KRT72: variants seen among roughly 807,000 people sequenced by gnomAD.
The protein encoded by KRT72 is keratin, type II cytoskeletal 72.
In KRT72, 44 loss-of-function variants were observed where a neutral mutation model predicts 44.7. That is an observed-to-expected ratio of 0.98 (90% CI 0.77 to 1.27). The LOEUF (loss-of-function observed/expected upper bound fraction) is 1.27, where lower values mean the gene tolerates loss of function less well. Ranked by LOEUF, KRT72 falls within the 50% of genes most tolerant of loss-of-function variation. The probability of loss-of-function intolerance (pLI) is 0.00; values close to 1 mark genes in which losing one functional copy is unlikely to be tolerated. For missense variants in KRT72, 736 were observed against 667.1 expected (o/e 1.10, Z -1.14); for synonymous variants, 302 against 280.4 (o/e 1.08, Z -0.77).
intron 5 of KRT72, 42 bp from the exon 6 acceptor site, chr12:52,591,003 C>T (rs750918758): frequency 1.9e-6 from 3 of 1,547,896 alleles, no homozygotes; most frequent in South Asian, 1.2e-5. Context: ...AAGGATCCTA[C>T]TGAACTAGGG....
rs1939787979 is a variant in KRT72 at position 52,587,065 on chromosome 12, C to T, written c.1311-85G>A. 1.5e-5 allele frequency: 20 copies of T among 1,308,152 alleles called. No individual in the cohort carries two copies. In the South Asian group the frequency reaches 2.4e-4, roughly 16 times the overall value. 81.0% of individuals were successfully genotyped at this position (1,308,152 alleles called of 1,614,324 possible). ...AAGTCACCTCTGTGAATAAGCCTCT[C>T]CACGCAGAATGTGCCTTCCCAAACC... On this transcript the variant is annotated intron_variant, in intron 7 of 8. Coordinates refer to ENST00000293745, the MANE Select transcript of KRT72 (RefSeq NM_080747.3).
At chr12:52,588,614 A>G (rs1370143099) in intron 6 of KRT72, among the ~76,000 whole-genome samples, 4 of 152,242 alleles carry the variant, frequency 2.6e-5, no homozygotes, top group African/African-American at 7.2e-5. Context: ...GCAAACCACC[A>G]TGGCACACGT....
rs1245126498 is a variant in KRT72, at chr12:52,587,687, C to G, written c.1254G>C (p.Leu418=). 1.2e-5 allele frequency: 19 copies of G among 1,614,094 alleles called. No homozygotes were observed. Among genetic ancestry groups the G allele is most frequent in the Non-Finnish European group, 1.6e-5 (19 of 1,180,048 alleles). The change falls in exon 7 of 9, where the codon CTG becomes CTC. Residue 418 remains leucine, a synonymous_variant. Coordinates refer to ENST00000293745, the MANE Select transcript of KRT72 (RefSeq NM_080747.3). ...REYQELVSLK[L]ALDMEIATYR... Reference sequence around the variant, plus strand: ...AGGTGGCGATCTCCATATCCAGGGCCAGCTTCAGGCTCACGAGCTCCTGGT... The same window carrying G: ...AGGTGGCGATCTCCATATCCAGGGCGAGCTTCAGGCTCACGAGCTCCTGGT...
At chr12:52,601,501 A>G (rs201918944), upstream of KRT72, 2 of 1,520,498 alleles carry the variant, frequency 1.3e-6, no homozygotes, top group African/African-American at 2.8e-5. Flanking sequence ...AGGGGCGCAA[A>G]CAGCCGCTGC....
chr12:52,596,616 A>G (rs1292405362), intron 2 of KRT72, among the ~76,000 whole-genome samples: 1 of 149,434 alleles, frequency 6.7e-6, no homozygotes, highest in East Asian at 2.0e-4. Context: ...CGGTGGCTTG[A>G]TCTCAGCTCA....
chr12:52,597,041 T>C (rs1940249993), intron 2 of KRT72, among the ~76,000 whole-genome samples: 1 of 152,228 alleles, frequency 6.6e-6, no homozygotes, highest in Non-Finnish European at 1.5e-5. Context: ...TGAAGGGTGA[T>C]GGGCGCTAAC....
intron 6 of KRT72, among the ~76,000 whole-genome samples, chr12:52,589,191 T>C (rs1939899966): frequency 6.6e-6 from 1 of 152,152 alleles, no homozygotes; most frequent in African/African-American, 2.4e-5. Flanking sequence ...TGCCCATCTG[T>C]GGAGCCACAT....
At position 52,586,106 on chromosome 12, in the gene KRT72, C is replaced by T. The variant is rs1360423683; in HGVS notation, c.1412G>A (p.Ser471Asn). The change falls in exon 9 of 9, where the codon AGC becomes AAC. Residue 471 changes from serine (S) to asparagine (N), a missense_variant. Ser to Asn is a conservative substitution (Grantham distance 46). Transcript: ENST00000293745. ...AGFSMGFGAS[S>N]SYSYKTAAAD... ...AGCTGCAGTTTTGTAGCTATAACTG[C>T]TTGAGGCGCCAAAGCCCATGCTGAA... is the stretch of plus-strand genomic sequence containing the variant. 3.1e-6 allele frequency: 5 copies of T among 1,614,198 alleles called. No individual in the cohort carries two copies. The highest frequency in any genetic ancestry group is 2.2e-5 in the South Asian group (2 of 91,082).
rs1218415871 is a variant in KRT72 at position 52,586,978 on chromosome 12, ATC to A, written c.1311_1312del (p.Arg437SerfsTer37). 6.2e-7 allele frequency: 1 copy of A among 1,613,982 alleles called. No homozygotes were observed. The highest frequency in any genetic ancestry group is 1.7e-5 in the Admixed American group (1 of 60,028). On this transcript the variant is annotated frameshift_variant and splice_region_variant, in exon 8 of 9. Coordinates refer to ENST00000293745, the MANE Select transcript of KRT72 (RefSeq NM_080747.3). LOFTEE classifies it high-confidence loss of function. ...CACAGAATTTGGATATTCGCCAGACATCCTGAAGAAGGAGAAGAAAAACAGGT... is the reference window on the plus strand; with the variant it reads ...CACAGAATTTGGATATTCGCCAGACACTGAAGAAGGAGAAGAAAAACAGGT...
intron 4 of KRT72, among the ~76,000 whole-genome samples, 186 bp from the exon 5 acceptor site, chr12:52,591,814 C>T (rs142024844): frequency 2.7e-3 from 416 of 152,204 alleles, no homozygotes; most frequent in African/African-American, 9.6e-3. Context: ...AACGCTGAGA[C>T]TCCTCTCTCC....
intron 2 of KRT72, among the ~76,000 whole-genome samples, chr12:52,597,150 C>A (rs1274157613): frequency 6.6e-6 from 1 of 152,208 alleles, no homozygotes; most frequent in African/African-American, 2.4e-5. Context: ...AAATTACACC[C>A]TTTGAAACTA....
chr12:52,595,684 T>A (rs1940205554), intron 2 of KRT72, among the ~76,000 whole-genome samples: 1 of 152,248 alleles, frequency 6.6e-6, no homozygotes, highest in South Asian at 2.1e-4. Context: ...ATCACATTAT[T>A]TTTTAAGGAT....
chr12:52,601,199 C>A lies in KRT72; in HGVS notation c.254G>T (p.Gly85Val). Residue 85 changes from glycine to valine, a missense_variant, in exon 1 of 9, where the codon GGG becomes GTG. Physicochemically the swap from Gly to Val is moderately radical, Grantham distance 109 (BLOSUM62 -3). Transcript: ENST00000293745. ...VGTAFGSAGL[G>V]PKCPSVCPPG... ...TGGGCACACGGAGGGACACTTGGGC[C>A]CCAGCCCGGCGCTGCCGAAGGCGGT... is the stretch of plus-strand genomic sequence containing the variant. The A allele has an allele frequency of 1.9e-6, 3 of 1,611,678 alleles. No individual in the cohort carries two copies. The highest frequency in any genetic ancestry group is 2.5e-6 in the Non-Finnish European group (3 of 1,178,806).
chr12:52,591,552 A>G lies in KRT72; in HGVS notation c.875T>C (p.Leu292Pro). The change falls in exon 5 of 9, where the codon CTG becomes CCG. Residue 292 changes from leucine to proline, a missense_variant. Physicochemically the swap from Leu to Pro is moderately conservative, Grantham distance 98. Coordinates refer to ENST00000293745, the MANE Select transcript of KRT72 (RefSeq NM_080747.3). ...ACGGACCTCGGCAATGATGCTGTCC[A>G]GGTCCAGATCCCGGTTGTTGTCCAT... ...LSMDNNRDLD[L>P]DSIIAEVRAQ... is the part of the protein sequence containing the mutation. 6.2e-7 allele frequency: 1 copy of G among 1,614,088 alleles called. No homozygotes were observed. The highest frequency in any genetic ancestry group is 8.5e-7 in the Non-Finnish European group (1 of 1,179,948).
At chr12:52,592,349 C>T (rs1940065091) in intron 4 of KRT72, 47 bp downstream of exon 4, 1 of 1,375,152 alleles carries the variant, frequency 7.3e-7, no homozygotes, top group Non-Finnish European at 1.0e-6. Context: ...CCAGAAACCT[C>T]TTGTTAAAGG....
chr12:52,596,098 CAG>C (rs1226919346), intron 2 of KRT72, among the ~76,000 whole-genome samples: 4 of 152,098 alleles, frequency 2.6e-5, no homozygotes, highest in Admixed American at 1.3e-4. Context: ...CCTTAAGAAG[CAG>C]AGAGAGACAA....
chr12:52,602,722 C>T (rs1031469904), upstream of KRT72, among the ~76,000 whole-genome samples: 1 of 152,324 alleles, frequency 6.6e-6, no homozygotes, highest in East Asian at 1.9e-4. Context: ...TGTGAAACAG[C>T]AGAGTGCTTA....
Position 52,586,949 on chromosome 12 carries a change from T to C in KRT72, c.1342A>G (p.Ile448Val). Residue 448 changes from isoleucine (I) to valine (V), a missense_variant, in exon 8 of 9, where the codon ATC (isoleucine) becomes GTC (valine). Ile to Val is a conservative substitution (Grantham distance 29). Transcript: ENST00000293745. ...ACTGAGATCTGCAGATACTTACAGA[T>C]GCTCACAGAATTTGGATATTCGCCA... ...MSGEYPNSVS[I>V]SVISSTNAGA... is the part of the protein sequence containing the mutation. The C allele has an allele frequency of 1.9e-6, 3 of 1,613,886 alleles. No homozygotes were observed. The South Asian group carries it at 3.3e-5, about 18-fold the overall frequency.
rs567168537 is a variant in KRT72, at chr12:52,596,453, CA to C, written c.641+2444del. 5.1e-4 allele frequency among the ~76,000 whole-genome samples: 78 copies of C among 151,946 alleles called. 1 individual carries two copies. Among genetic ancestry groups the C allele is most frequent in the African/African-American group, 1.9e-3 (78 of 41,486 alleles). ...TTTTTTATGTTTAATACTTATTTAA[CA>C]AAATTAGCAATACATTTCGTTGTTT... On this transcript the variant is annotated intron_variant, in intron 2 of 8. Transcript: ENST00000293745.
Sources: gnomAD v4.1 joint callset for allele counts (sites outside exome capture counted in the v4.1 genomes callset) on GRCh38, gnomAD v4.1.1 for gene constraint, MANE v1.5 for transcripts, NCBI Gene and HGNC (gene_info 2026-07-23, HGNC 2026-07-21) for gene names.